POLH: variants seen among roughly 807,000 people sequenced by gnomAD.
The protein encoded by POLH is DNA polymerase eta transcript.
POLH carries 53 observed loss-of-function variants against 73.6 expected under a neutral mutation model. The ratio of observed to expected loss-of-function variants is 0.72; its 90% CI spans 0.58 to 0.91. The LOEUF (loss-of-function observed/expected upper bound fraction) is 0.91, where lower values mean the gene tolerates loss of function less well. Ranked by LOEUF, POLH falls within the 40% of genes least tolerant of loss-of-function variation. The pLI, the probability that POLH is intolerant of heterozygous loss-of-function variation, is 0.00. For synonymous variants in POLH, 292 were observed against 308.5 expected (o/e 0.95, Z 0.56); for missense variants, 768 against 865.4 (o/e 0.89, Z 1.41).
intron 8 of POLH, 132 bp downstream of exon 8, chr6:43,604,870 G>C: frequency 1.0e-6 from 1 of 957,182 alleles, no homozygotes; most frequent in Non-Finnish European, 1.7e-6. Flanking sequence ...TTCTGTCCTT[G>C]GGTTGAAAAT....
chr6:43,594,400 G>A (rs887429432), intron 4 of POLH, among the ~76,000 whole-genome samples: 1 of 152,136 alleles, frequency 6.6e-6, no homozygotes, highest in Non-Finnish European at 1.5e-5. Context: ...AAATGCGCAA[G>A]CCACTGTGCT....
At chr6:43,606,852 G>A (rs760521212) in intron 9 of POLH, among the ~76,000 whole-genome samples, 1 of 152,040 alleles carries the variant, frequency 6.6e-6, no homozygotes, top group Non-Finnish European at 1.5e-5. Context: ...TACAATTTTA[G>A]AGCATTTTTA....
At position 43,614,215 on chromosome 6, in the gene POLH, C is replaced by G; in HGVS notation, c.1800C>G (p.Asn600Lys). The change falls in exon 11 of 11, where the codon AAC becomes AAG. Residue 600 changes from asparagine (N) to lysine (K), a missense_variant. By Grantham distance (94) the Asn-to-Lys change is moderately conservative (BLOSUM62 0). Coordinates refer to ENST00000372236, the MANE Select transcript of POLH (RefSeq NM_006502.3). ...CTGCAGAGATGGATTTGGCCCACAA[C>G]AGCCAAAGCATGCACGCCTCTTCAG... Reference protein sequence around the residue: ...ATPAEMDLAHNSQSMHASSAS... With the variant: ...ATPAEMDLAHKSQSMHASSAS... 6.2e-7 allele frequency: 1 copy of G among 1,612,278 alleles called. No individual in the cohort carries two copies. Among genetic ancestry groups the G allele is most frequent in the Middle Eastern group, 1.7e-4 (1 of 6,054 alleles).
chr6:43,608,514 C>A (rs1055351164), intron 9 of POLH, among the ~76,000 whole-genome samples: 2 of 152,148 alleles, frequency 1.3e-5, no homozygotes, highest in Non-Finnish European at 2.9e-5. Flanking sequence ...GTCCCTGGGG[C>A]CTTTCTTTCC....
chr6:43,592,265 C>A (rs989262543), intron 4 of POLH, among the ~76,000 whole-genome samples: 3 of 152,132 alleles, frequency 2.0e-5, no homozygotes, highest in Non-Finnish European at 4.4e-5. Context: ...TTCATGGATA[C>A]AATATATTTC....
chr6:43,593,878 CAAAAAAAAAA>C (rs768129925), intron 4 of POLH, among the ~76,000 whole-genome samples: 3 of 85,186 alleles, frequency 3.5e-5, no homozygotes, highest in Non-Finnish European at 5.4e-5. Flanking sequence ...GACTCCGTCT[CAAAAAAAAAA>C]AAAAAAAAAA....
At chr6:43,588,023 A>G (rs1156625957) in intron 4 of POLH, among the ~76,000 whole-genome samples, 3 of 152,164 alleles carry the variant, frequency 2.0e-5, no homozygotes, top group Non-Finnish European at 4.4e-5. Context: ...ACAGAGGGAG[A>G]CTCCGTCTCA....
chr6:43,611,542 T>G (rs1354244884), intron 10 of POLH, among the ~76,000 whole-genome samples: 3 of 152,338 alleles, frequency 2.0e-5, no homozygotes, highest in African/African-American at 7.2e-5. Flanking sequence ...TGGAATCCTT[T>G]AATTGCATAT....
chr6:43,578,644 A>G (rs543196610), intron 1 of POLH, among the ~76,000 whole-genome samples: 16 of 152,220 alleles, frequency 1.1e-4, no homozygotes, highest in Non-Finnish European at 1.8e-4. Flanking sequence ...AATTTTGGTA[A>G]TTGTGTTAAG....
intron 5 of POLH, among the ~76,000 whole-genome samples, chr6:43,598,596 T>G (rs1250335935): frequency 1.3e-5 from 2 of 149,804 alleles, no homozygotes; most frequent in Admixed American, 1.3e-4. Flanking sequence ...GTTGTGCCAC[T>G]GCACGCCAGC....
chr6:43,604,873 T>C, intron 8 of POLH, 135 bp downstream of exon 8: 1 of 901,582 alleles, frequency 1.1e-6, no homozygotes, highest in Admixed American at 2.0e-5. Context: ...TGTCCTTGGG[T>C]TGAAAATTGA....
At chr6:43,597,200 C>T (rs1766170045) in intron 4 of POLH, among the ~76,000 whole-genome samples, 1 of 152,122 alleles carries the variant, frequency 6.6e-6, no homozygotes, top group South Asian at 2.1e-4. Flanking sequence ...ACTGCAACCT[C>T]CGCCTCCTGG....
At chr6:43,602,116 G>T (rs775876096) in intron 6 of POLH, among the ~76,000 whole-genome samples, 1 of 152,066 alleles carries the variant, frequency 6.6e-6, no homozygotes, top group African/African-American at 2.4e-5. Flanking sequence ...TTAACTTCCC[G>T]CTAGACTTTT....
In POLH at chr6:43,617,254, A is replaced by C. The variant is rs1040259732; in HGVS notation, c.*2697A>C. Reference sequence around the variant, plus strand: ...GTATGATTTGAGGAACAGCAGCCTCAGTATCACCAGGGAACTTATTAGAAA... The same window carrying C: ...GTATGATTTGAGGAACAGCAGCCTCCGTATCACCAGGGAACTTATTAGAAA... On this transcript the variant is annotated 3_prime_UTR_variant, in exon 11 of 11. Coordinates refer to ENST00000372236, the MANE Select transcript of POLH (RefSeq NM_006502.3). 3.3e-5 allele frequency among the ~76,000 whole-genome samples: 5 copies of C among 152,238 alleles called. No individual in the cohort carries two copies. The highest frequency in any genetic ancestry group is 7.3e-5 in the Non-Finnish European group (5 of 68,040).
At position 43,582,987 on chromosome 6, in the gene POLH, C is replaced by A; in HGVS notation, c.138-20C>A. 1 of 1,607,140 alleles carries A rather than the reference C, an allele frequency of 6.2e-7. No homozygotes were observed. The highest frequency in any genetic ancestry group is 8.5e-7 in the Non-Finnish European group (1 of 1,174,624). On this transcript the variant is annotated intron_variant, in intron 2 of 10. Coordinates refer to ENST00000372236, the MANE Select transcript of POLH (RefSeq NM_006502.3). ...TGATCATATAATATGTTTTCTGTTT[C>A]CTTTTTTTTCTAACCTTAGAATAAT...
At chr6:43,595,339 G>A (rs904006273) in intron 4 of POLH, among the ~76,000 whole-genome samples, 1 of 151,836 alleles carries the variant, frequency 6.6e-6, no homozygotes, top group African/African-American at 2.4e-5. Context: ...GTTTCACCAT[G>A]GTGGTCAGGC....
chr6:43,587,608 C>G lies in POLH; in HGVS notation c.490+119C>G, dbSNP rs955990549. 6 of 759,010 alleles carry G rather than the reference C, an allele frequency of 7.9e-6. No homozygotes were observed. The African/African-American group carries it at 8.6e-5, about 11-fold the overall frequency. The allele number at this position is 759,010 out of a possible 1,614,324, so 47.0% of individuals were successfully genotyped here. On this transcript the variant is annotated intron_variant, in intron 4 of 10. Transcript: ENST00000372236. ...CTTAAACTACAGCCTGAATGAATCA[C>G]AAGGACTCACATGGAAGGATATACA... is the stretch of plus-strand genomic sequence containing the variant.
chr6:43,620,513 T>G lies in POLH; in HGVS notation c.*5956T>G. 2 of 292,646 alleles carry G rather than the reference T, an allele frequency of 6.8e-6. No individual in the cohort carries two copies. The highest frequency in any genetic ancestry group is 5.2e-5 in the Admixed American group (1 of 19,314). 18.1% of individuals were successfully genotyped at this position (292,646 alleles called of 1,614,324 possible). A position where few individuals can be genotyped will look rare whatever the true frequency, so the allele number is the denominator to read the frequency against. On this transcript the variant is annotated 3_prime_UTR_variant, in exon 11 of 11. Transcript: ENST00000372236. ...AGTGTATTCAATAAAACATTTTTAT[T>G]CTGTACAATATATATGTGTATTTAA... is the stretch of plus-strand genomic sequence containing the variant.
At chr6:43,597,112 T>A (rs935843565) in intron 4 of POLH, among the ~76,000 whole-genome samples, 1 of 152,146 alleles carries the variant, frequency 6.6e-6, no homozygotes, top group Admixed American at 6.6e-5. Flanking sequence ...TTACATTATT[T>A]TTTTTTATTT....
Sources: gnomAD v4.1 joint callset for allele counts (sites outside exome capture counted in the v4.1 genomes callset) on GRCh38, gnomAD v4.1.1 for gene constraint, MANE v1.5 for transcripts, NCBI Gene and HGNC (gene_info 2026-07-23, HGNC 2026-07-21) for gene names.